The following SHROOM3 variants were observed in gnomAD, a reference collection of about 807,000 sequenced individuals.
SHROOM3 encodes the protein shroom family member 3.
In SHROOM3, 47 loss-of-function variants were observed where a neutral mutation model predicts 138.6. The ratio of observed to expected loss-of-function variants is 0.34; its 90% CI spans 0.27 to 0.43. SHROOM3 has a LOEUF of 0.43. SHROOM3 is among the 20% of genes least tolerant of loss of function. SHROOM3 has a pLI of 1.00. For synonymous variants in SHROOM3, 1,062 were observed against 1,063.3 expected, an observed-to-expected ratio of 1.00 and a Z score of 0.02; for missense variants, 2,491 against 2,596.5, an observed-to-expected ratio of 0.96 and a Z score of 0.88.
intron 1 of SHROOM3, among the ~76,000 whole-genome samples, chr4:76,527,222 G>T (rs17002044): frequency 0.042 from 6,381 of 152,160 alleles, 469 homozygotes; most frequent in African/African-American, 0.14. Flanking sequence ...GGTACTCTGT[G>T]GTTTTTCCCT....
intron 1 of SHROOM3, among the ~76,000 whole-genome samples, chr4:76,490,802 C>T (rs1477075123): frequency 6.6e-6 from 1 of 152,168 alleles, no homozygotes; most frequent in South Asian, 2.1e-4. Flanking sequence ...ACAATAATTA[C>T]AACTTATTGA....
At chr4:76,521,837 C>G (rs961115919) in intron 1 of SHROOM3, among the ~76,000 whole-genome samples, 1 of 152,142 alleles carries the variant, frequency 6.6e-6, no homozygotes, top group African/African-American at 2.4e-5. Flanking sequence ...ACATAATCCT[C>G]TACTTTCACC....
chr4:76,630,536 T>G (rs988368111), intron 2 of SHROOM3, among the ~76,000 whole-genome samples: 1 of 152,222 alleles, frequency 6.6e-6, no homozygotes, highest in Non-Finnish European at 1.5e-5. Context: ...GGAGAGAGCC[T>G]TCTGAGTTGC....
intron 2 of SHROOM3, among the ~76,000 whole-genome samples, chr4:76,584,207 A>G (rs1473694178): frequency 1.3e-5 from 2 of 152,026 alleles, no homozygotes; most frequent in Admixed American, 1.3e-4. Context: ...AATCCCAGCT[A>G]CTTGGGAGGC....
intron 3 of SHROOM3, among the ~76,000 whole-genome samples, chr4:76,713,976 C>T (rs1013088238): frequency 6.6e-6 from 1 of 152,182 alleles, no homozygotes; most frequent in Non-Finnish European, 1.5e-5. Context: ...TCATTCTCAT[C>T]TAGTTACGCT....
intron 9 of SHROOM3, among the ~76,000 whole-genome samples, chr4:76,768,901 G>C (rs144263473): frequency 2.6e-3 from 394 of 152,242 alleles, no homozygotes; most frequent in Middle Eastern, 0.014. Flanking sequence ...CCAGAACTTA[G>C]ACATTTCAAG....
chr4:76,751,111 A>G (rs567039000), intron 6 of SHROOM3, among the ~76,000 whole-genome samples: 1 of 152,318 alleles, frequency 6.6e-6, no homozygotes, highest in African/African-American at 2.4e-5. Context: ...TGCTTGCAGT[A>G]TATTTTTCTG....
intron 2 of SHROOM3, among the ~76,000 whole-genome samples, chr4:76,641,296 G>A (rs1187331279): frequency 1.3e-5 from 2 of 152,138 alleles, no homozygotes. Flanking sequence ...TTGTTCATGA[G>A]ATTTTAGTTT....
chr4:76,511,138 C>T (rs995968127), intron 1 of SHROOM3, among the ~76,000 whole-genome samples: 7 of 151,490 alleles, frequency 4.6e-5, no homozygotes, highest in Admixed American at 2.0e-4. Flanking sequence ...GCCAAGATCA[C>T]GCCACTGCAC....
At chr4:76,470,702 C>T (rs1197717689) in intron 1 of SHROOM3, among the ~76,000 whole-genome samples, 1 of 152,156 alleles carries the variant, frequency 6.6e-6, no homozygotes, top group African/African-American at 2.4e-5. Context: ...AAATGTATCC[C>T]CCACTTAACG....
chr4:76,611,217 C>T lies in SHROOM3; in HGVS notation c.323+55454C>T, dbSNP rs139846669. 2.2e-3 allele frequency among the ~76,000 whole-genome samples: 332 copies of T among 152,138 alleles called. 2 individuals carry two copies. The highest frequency in any genetic ancestry group is 7.5e-3 in the African/African-American group (312 of 41,494). On this transcript the variant is annotated intron_variant, in intron 2 of 10. Coordinates refer to ENST00000296043, the MANE Select transcript of SHROOM3 (RefSeq NM_020859.4). The stretch of plus-strand genomic sequence containing the variant: ...TAAAGTTACTTCTTGCCTCAGCTCC[C>T]AAATTCCAGTTGACTTTGTGCGCCC...
intron 1 of SHROOM3, among the ~76,000 whole-genome samples, chr4:76,495,653 A>G (rs1456682734): frequency 6.6e-6 from 1 of 152,188 alleles, no homozygotes; most frequent in Non-Finnish European, 1.5e-5. Context: ...AAGTTGAGCT[A>G]TTCTGGTGTT....
chr4:76,723,970 C>T (rs1398292623), intron 3 of SHROOM3, among the ~76,000 whole-genome samples: 4 of 152,206 alleles, frequency 2.6e-5, no homozygotes, highest in Non-Finnish European at 5.9e-5. Context: ...AGAGCTCCAA[C>T]TATAATTTAA....
intron 1 of SHROOM3, among the ~76,000 whole-genome samples, chr4:76,552,013 C>T (rs989495422): frequency 1.2e-4 from 15 of 129,942 alleles, no homozygotes; most frequent in Admixed American, 2.2e-4. Context: ...AGGCGCCCGC[C>T]ATCACGCCCG....
chr4:76,556,624 C>A (rs961646001), intron 2 of SHROOM3, among the ~76,000 whole-genome samples: 3 of 152,188 alleles, frequency 2.0e-5, no homozygotes, highest in African/African-American at 4.8e-5. Context: ...TTGAATATTT[C>A]TTCCTTAGAT....
At chr4:76,685,788 G>C (rs1314494224) in intron 2 of SHROOM3, among the ~76,000 whole-genome samples, 3 of 152,112 alleles carry the variant, frequency 2.0e-5, no homozygotes. Context: ...AGACCAGCCT[G>C]GCCAACATGG....
intron 2 of SHROOM3, among the ~76,000 whole-genome samples, chr4:76,571,665 A>AG (rs1733835249): frequency 6.6e-6 from 1 of 152,190 alleles, no homozygotes; most frequent in Admixed American, 6.5e-5. Flanking sequence ...AAAACCCCAC[A>AG]GCTTGATTCC....
At chr4:76,584,088 G>A (rs1734101843) in intron 2 of SHROOM3, among the ~76,000 whole-genome samples, 1 of 152,192 alleles carries the variant, frequency 6.6e-6, no homozygotes, top group Non-Finnish European at 1.5e-5. Context: ...GCTGAGGCGG[G>A]CAGATCACCT....
intron 1 of SHROOM3, among the ~76,000 whole-genome samples, chr4:76,480,975 C>A (rs549222130): frequency 1.3e-5 from 2 of 152,194 alleles, no homozygotes; most frequent in East Asian, 3.9e-4. Context: ...TGGGACACAG[C>A]TAAAGCCGTG....
Sources: gnomAD v4.1 joint callset for allele counts (sites outside exome capture counted in the v4.1 genomes callset) on GRCh38, gnomAD v4.1.1 for gene constraint, MANE v1.5 for transcripts, NCBI Gene and HGNC (gene_info 2026-07-23, HGNC 2026-07-21) for gene names.